The following COL24A1 variants were observed in gnomAD, a reference collection of about 807,000 sequenced individuals.
COL24A1 encodes the protein collagen alpha-1(XXIV) chain.
COL24A1 carries 224 observed loss-of-function variants against 253.9 expected under a neutral mutation model. The ratio of observed to expected loss-of-function variants is 0.88; its 90% confidence interval spans 0.79 to 0.99. The LOEUF is 0.99. Among genes scored for constraint, COL24A1 ranks in the 50% least tolerant of loss-of-function variants. The probability of loss-of-function intolerance (pLI) is 0.00; values close to 1 mark genes in which losing one functional copy is unlikely to be tolerated. For synonymous variants in COL24A1, 685 were observed against 673.7 expected (o/e 1.02, Z -0.26); for missense variants, 2,131 against 2,068.5 (o/e 1.03, Z -0.59).
At chr1:86,045,310 T>TAAAG (rs1699814836) in intron 12 of COL24A1, among the ~76,000 whole-genome samples, 1 of 152,104 alleles carries the variant, frequency 6.6e-6, no homozygotes, top group Admixed American at 6.6e-5. Flanking sequence ...ACCTACTTAG[T>TAAAG]AAAGGGTAAG....
chr1:86,098,588 G>T (rs1704196769), intron 5 of COL24A1, among the ~76,000 whole-genome samples: 1 of 152,050 alleles, frequency 6.6e-6, no homozygotes, highest in Non-Finnish European at 1.5e-5. Context: ...AAATACTTTG[G>T]TAAACACCTT....
At chr1:86,023,388 G>T (rs1697737032) in intron 14 of COL24A1, among the ~76,000 whole-genome samples, 1 of 152,040 alleles carries the variant, frequency 6.6e-6, no homozygotes, top group African/African-American at 2.4e-5. Context: ...TTGTCTTAGA[G>T]TTTTATTTCA....
chr1:86,154,218 A>C (rs541843661), intron 1 of COL24A1: 4 of 152,132 alleles, frequency 2.6e-5, no homozygotes, highest in African/African-American at 4.8e-5. Flanking sequence ...TTATTTATGA[A>C]AATTGGATTT....
At chr1:85,982,636 T>C (rs898810226) in intron 20 of COL24A1, among the ~76,000 whole-genome samples, 1 of 151,950 alleles carries the variant, frequency 6.6e-6, no homozygotes, top group Admixed American at 6.6e-5. Context: ...AAAATGATCA[T>C]ACAGATTATC....
intron 43 of COL24A1, among the ~76,000 whole-genome samples, chr1:85,833,693 A>G (rs1675639571): frequency 6.6e-6 from 1 of 152,184 alleles, no homozygotes; most frequent in South Asian, 2.1e-4. Context: ...ACTATTCACA[A>G]TAGCAAAGAC....
chr1:86,107,981 G>GT (rs1165192930), intron 5 of COL24A1, among the ~76,000 whole-genome samples: 1 of 151,994 alleles, frequency 6.6e-6, no homozygotes, highest in Non-Finnish European at 1.5e-5. Context: ...CAAAATAAAT[G>GT]TAAGTTTTTA....
chr1:86,096,612 G>A (rs559199158), intron 5 of COL24A1, among the ~76,000 whole-genome samples: 1 of 151,984 alleles, frequency 6.6e-6, no homozygotes, highest in Non-Finnish European at 1.5e-5. Flanking sequence ...AAATACAAGG[G>A]TCTAACATAG....
rs755025432 is a variant in COL24A1, at chr1:86,089,246, C to T, written c.1654-19G>A. ...GATCACCCTATAAACAAAATACAGA[C>T]GTTTAATGTCATGAAAGAGAACTGA... On this transcript the variant is annotated intron_variant, in intron 6 of 59. Coordinates refer to ENST00000370571, the MANE Select transcript of COL24A1 (RefSeq NM_152890.7). 8.4e-6 allele frequency: 13 copies of T among 1,553,276 alleles called. No individual in the cohort carries two copies. The highest frequency in any genetic ancestry group is 3.7e-5 in the South Asian group (3 of 81,710).
chr1:85,778,336 C>T (rs1033334154), intron 52 of COL24A1, among the ~76,000 whole-genome samples: 3 of 152,072 alleles, frequency 2.0e-5, no homozygotes, highest in Admixed American at 6.6e-5. Flanking sequence ...CTTCTGTGCT[C>T]AAGCAATCTT....
rs559013642 is a variant in COL24A1, at chr1:85,887,051, T to C, written c.2976+2509A>G. On this transcript the variant is annotated intron_variant, in intron 32 of 59. Transcript: ENST00000370571. ...TAGTTAACTTGAGAATCCTGTTAAC[T>C]ATTTTTTGAGGTAAGTGGAAATGAC... Among the ~76,000 whole-genome samples, 3 of 152,300 alleles carry C rather than the reference T, an allele frequency of 2.0e-5. No homozygotes were observed. In the South Asian group the frequency reaches 6.2e-4, roughly 32 times the overall value.
At chr1:86,113,125 AT>A (rs1293453101) in intron 4 of COL24A1, among the ~76,000 whole-genome samples, 1 of 152,242 alleles carries the variant, frequency 6.6e-6, no homozygotes, top group Non-Finnish European at 1.5e-5. Flanking sequence ...TCACTGATAA[AT>A]TATATAATCT....
chr1:86,092,319 C>T lies in COL24A1; in HGVS notation c.1601G>A (p.Gly534Asp), dbSNP rs1445961014. 6.2e-7 allele frequency: 1 copy of T among 1,603,506 alleles called. No individual in the cohort carries two copies. Among genetic ancestry groups the T allele is most frequent in the Admixed American group, 1.7e-5 (1 of 59,316 alleles). Residue 534 changes from glycine to aspartate, a missense_variant and splice_region_variant, in exon 6 of 60, where the codon GGC becomes GAC. Coordinates refer to ENST00000370571, the MANE Select transcript of COL24A1 (RefSeq NM_152890.7). Reference sequence around the variant, plus strand: ...GGAAAATCCTGGATCTCCTTTGGGGCCCTAAATAAAATAGTTATAAAACAG... The same window carrying T: ...GGAAAATCCTGGATCTCCTTTGGGGTCCTAAATAAAATAGTTATAAAACAG... ...PGLPGLPGPK[G>D]PKGDPGFSPG... is the part of the protein sequence containing the mutation.
chr1:85,951,685 C>T (rs1689948979), intron 24 of COL24A1, among the ~76,000 whole-genome samples: 1 of 152,084 alleles, frequency 6.6e-6, no homozygotes, highest in Admixed American at 6.6e-5. Flanking sequence ...ATGTCCCATT[C>T]CCCTAGCATT....
At chr1:85,791,629 A>G (rs1180912583) in intron 47 of COL24A1, among the ~76,000 whole-genome samples, 2 of 152,200 alleles carry the variant, frequency 1.3e-5, no homozygotes, top group Admixed American at 1.3e-4. Flanking sequence ...CAAAATCAAG[A>G]GAACCTAATA....
At chr1:85,801,295 G>T (rs756072754) in intron 47 of COL24A1, among the ~76,000 whole-genome samples, 2 of 152,078 alleles carry the variant, frequency 1.3e-5, no homozygotes, top group Non-Finnish European at 2.9e-5. Flanking sequence ...CTTGCAACTT[G>T]TCCTGCGAAT....
rs189887298 is a variant in COL24A1 at position 86,110,562 on chromosome 1, G to A, written c.1599+2005C>T. On this transcript the variant is annotated intron_variant, in intron 5 of 59. Coordinates refer to ENST00000370571, the MANE Select transcript of COL24A1 (RefSeq NM_152890.7). The stretch of plus-strand genomic sequence containing the variant: ...CTGCTTGCGGGGAGGTGTGGAGGGA[G>A]AGGCGCAGGCAGGAACTGGGGCTGC... Among the ~76,000 whole-genome samples, 448 of 152,086 alleles carry A rather than the reference G, an allele frequency of 2.9e-3. 3 individuals are homozygous for A. The highest frequency in any genetic ancestry group is 0.011 in the African/African-American group (437 of 41,524).
intron 57 of COL24A1, among the ~76,000 whole-genome samples, chr1:85,743,192 T>C (rs549904890): frequency 6.6e-5 from 10 of 152,306 alleles, no homozygotes; most frequent in Non-Finnish European, 1.3e-4. Context: ...CTAGAGGGTC[T>C]TGTATAATTT....
intron 28 of COL24A1, among the ~76,000 whole-genome samples, chr1:85,905,426 A>G (rs1268672112): frequency 1.3e-5 from 2 of 152,068 alleles, no homozygotes; most frequent in South Asian, 2.1e-4. Context: ...GAACTTCCCA[A>G]TGCTATTTTC....
Position 86,125,675 on chromosome 1 carries a change from G to A in COL24A1, c.661C>T (p.Gln221Ter), listed in dbSNP as rs757888503. 6.2e-7 allele frequency: 1 copy of A among 1,610,410 alleles called. No homozygotes were observed. Among genetic ancestry groups the A allele is most frequent in the South Asian group, 1.1e-5 (1 of 90,950 alleles). The change falls in exon 3 of 60, where the codon CAG becomes TAG. Residue 221 changes from glutamine to a stop codon, truncating the protein, a stop_gained. Transcript: ENST00000370571. LOFTEE classifies it high-confidence loss of function. ...NSIHFEGIVC[Q>*]LDIIPSAEAS... The stretch of plus-strand genomic sequence containing the variant: ...TCTGCAGAAGGAATAATATCTAACT[G>A]ACATACTATTCCTTCAAAATGGATA...
Sources: allele counts gnomAD v4.1 joint callset (sites outside exome capture counted in the v4.1 genomes callset), GRCh38; gene constraint gnomAD v4.1.1; transcripts MANE v1.5; gene names NCBI Gene and HGNC (gene_info 2026-07-23, HGNC 2026-07-21).